The following ATP10B variants were observed in gnomAD, a reference collection of about 807,000 sequenced individuals.
ATP10B encodes the protein ATPase phospholipid transporting 10B (putative).
ATP10B carries 122 observed loss-of-function variants against 141.2 expected under a neutral mutation model. The ratio of observed to expected loss-of-function variants is 0.86; its 90% CI spans 0.75 to 1.00. ATP10B has a LOEUF of 1.00. Among genes scored for constraint, ATP10B ranks in the 50% least tolerant of loss-of-function variants. The pLI is 0.00. For synonymous variants in ATP10B, 685 were observed against 692.0 expected, an observed-to-expected ratio of 0.99 and a Z score of 0.16; for missense variants, 1,876 against 1,825.3, an observed-to-expected ratio of 1.03 and a Z score of -0.51.
chr5:160,615,760 T>C (rs1357576345), intron 17 of ATP10B, 78 bp downstream of exon 17: 4 of 1,557,378 alleles, frequency 2.6e-6, no homozygotes, highest in Non-Finnish European at 3.5e-6. Context: ...ATTAGTAGTG[T>C]CAGAATCGGG....
In ATP10B at chr5:160,785,662, G is replaced by C. The variant is rs936148135; in HGVS notation, c.-434C>G. The C allele has an allele frequency of 1.6e-6, 2 of 1,286,648 alleles. No individual in the cohort carries two copies. The highest frequency in any genetic ancestry group is 1.5e-5 in the African/African-American group (1 of 65,756). The allele number at this position is 1,286,648 out of a possible 1,614,324, so 79.7% of individuals were successfully genotyped here. Reference sequence around the variant, plus strand: ...TTGTGTCCATGTGTAAGAAATGGTAGTTTCTCATCTTGGCAGTGGAGAGGA... The same window carrying C: ...TTGTGTCCATGTGTAAGAAATGGTACTTTCTCATCTTGGCAGTGGAGAGGA... On this transcript the variant is annotated 5_prime_UTR_variant, in exon 2 of 26. Transcript: ENST00000327245.
chr5:160,617,778 G>T, intron 16 of ATP10B, 86 bp downstream of exon 16: 2 of 1,153,462 alleles, frequency 1.7e-6, no homozygotes, highest in Non-Finnish European at 2.6e-6. Flanking sequence ...CACCTCTAAG[G>T]GTCTTTTATA....
At chr5:160,891,010 T>C in the ATP10B span, among the ~76,000 whole-genome samples, 1 of 152,166 alleles carries the variant, frequency 6.6e-6, no homozygotes, top group South Asian at 2.1e-4. Flanking sequence ...TGCGTGTGTG[T>C]GTGTGTGTGT....
At chr5:160,591,681 C>A (rs142309815) in intron 22 of ATP10B, among the ~76,000 whole-genome samples, 2,374 of 152,250 alleles carry the variant, frequency 0.016, 28 homozygotes, top group Middle Eastern at 0.075. Flanking sequence ...AACAAGCCTT[C>A]TCAGGCATTA....
At chr5:160,879,555 C>A in the ATP10B span, among the ~76,000 whole-genome samples, 4 of 149,166 alleles carry the variant, frequency 2.7e-5, no homozygotes, top group Non-Finnish European at 6.0e-5. Flanking sequence ...AAAAAAAAAC[C>A]ACGGCCAGGC....
intron 16 of ATP10B, among the ~76,000 whole-genome samples, chr5:160,616,800 G>A (rs959825194): frequency 7.2e-5 from 11 of 152,196 alleles, no homozygotes; most frequent in African/African-American, 2.7e-4. Context: ...AGTCCATTAG[G>A]GGAGGCAAAA....
intron 7 of ATP10B, among the ~76,000 whole-genome samples, chr5:160,650,534 A>T (rs1004397510): frequency 6.6e-6 from 1 of 152,180 alleles, no homozygotes; most frequent in African/African-American, 2.4e-5. Flanking sequence ...GGCCTCCACA[A>T]ACAAGTTTAA....
At chr5:160,625,568 A>G (rs1436805537) in intron 13 of ATP10B, among the ~76,000 whole-genome samples, 6 of 152,196 alleles carry the variant, frequency 3.9e-5, no homozygotes, top group Non-Finnish European at 7.3e-5. Flanking sequence ...ACTGCTTGAG[A>G]TCACACACTG....
intron 3 of ATP10B, chr5:160,692,975 T>C (rs1314793933): frequency 1.3e-5 from 2 of 152,138 alleles, no homozygotes; most frequent in Non-Finnish European, 2.9e-5. Context: ...TGAGATAAAA[T>C]GACATCTTTT....
In ATP10B at chr5:160,565,474, G is replaced by A; in HGVS notation, c.4365C>T (p.Ser1455=). The change falls in exon 26 of 26, where the codon TCC becomes TCT. Residue 1455 remains serine (S), a synonymous_variant. Transcript: ENST00000327245. ...CTCCTCATATGGTCAGTGAACTCTGGGATCGGCGATGGCTGCTCCTCTTTG... is the reference window on the plus strand; with the variant it reads ...CTCCTCATATGGTCAGTGAACTCTGAGATCGGCGATGGCTGCTCCTCTTTG... The part of the protein sequence containing the change: ...RCSKRSSHRR[S]QSSLTI 1.9e-6 allele frequency: 3 copies of A among 1,614,036 alleles called. No homozygotes were observed. The highest frequency in any genetic ancestry group is 2.5e-6 in the Non-Finnish European group (3 of 1,179,946).
chr5:160,695,489 AGTGTGTGTGT>A (rs59946073), intron 3 of ATP10B, among the ~76,000 whole-genome samples: 19 of 148,900 alleles, frequency 1.3e-4, no homozygotes, highest in African/African-American at 3.0e-4. Flanking sequence ...TGCGTGAGTG[AGTGTGTGTGT>A]GTGTGTGTGT....
intron 23 of ATP10B, among the ~76,000 whole-genome samples, chr5:160,590,536 ATCCC>A (rs984160790): frequency 1.4e-4 from 19 of 137,518 alleles, no homozygotes; most frequent in Non-Finnish European, 2.8e-4. Context: ...TTGGGCTGGT[ATCCC>A]TTGCTATCTG....
At position 160,785,737 on chromosome 5, in the gene ATP10B, C is replaced by T. The variant is rs1383965808; in HGVS notation, c.-509G>A. 4 of 1,244,326 alleles carry T rather than the reference C, an allele frequency of 3.2e-6. No individual in the cohort carries two copies. Among genetic ancestry groups the T allele is most frequent in the Non-Finnish European group, 4.2e-6 (4 of 960,388 alleles). 77.1% of individuals were successfully genotyped at this position (1,244,326 alleles called of 1,614,324 possible). On this transcript the variant is annotated 5_prime_UTR_variant, in exon 2 of 26. Transcript: ENST00000327245. ...TGAATAATAGGAAAAACTACTTACTCTTCACACTGTTGCTTTCATTGAAAC... is the reference window on the plus strand; with the variant it reads ...TGAATAATAGGAAAAACTACTTACTTTTCACACTGTTGCTTTCATTGAAAC...
At chr5:160,728,098 T>C (rs1766483992) in intron 2 of ATP10B, among the ~76,000 whole-genome samples, 1 of 37,582 alleles carries the variant, frequency 2.7e-5, no homozygotes, top group African/African-American at 1.0e-4. Flanking sequence ...ATTCTTCCTT[T>C]ACTTTTTTTT....
Position 160,589,675 on chromosome 5 carries a change from C to G in ATP10B, c.3667G>C (p.Asp1223His). The change falls in exon 24 of 26, where the codon GAT becomes CAT. Residue 1223 changes from aspartate to histidine, a missense_variant. Coordinates refer to ENST00000327245, the MANE Select transcript of ATP10B (RefSeq NM_025153.3). ...PYLAYKGSDI[D>H]VFTFGTPINT... is the part of the protein sequence containing the mutation. Reference sequence around the variant, plus strand: ...ATTGGTGTCCCAAAGGTAAAGACATCTATATCAGAGCCCTTATAGGCCTGC... The same window carrying G: ...ATTGGTGTCCCAAAGGTAAAGACATGTATATCAGAGCCCTTATAGGCCTGC... The G allele has an allele frequency of 6.2e-7, 1 of 1,613,906 alleles. No individual in the cohort carries two copies. The highest frequency in any genetic ancestry group is 8.5e-7 in the Non-Finnish European group (1 of 1,179,828).
intron 2 of ATP10B, among the ~76,000 whole-genome samples, chr5:160,758,202 C>T (rs531789499): frequency 5.3e-5 from 8 of 151,904 alleles, no homozygotes; most frequent in East Asian, 3.9e-4. Context: ...TCCATCACAG[C>T]GGGTATTTAA....
intron 7 of ATP10B, among the ~76,000 whole-genome samples, chr5:160,650,211 T>C (rs1760628302): frequency 6.6e-6 from 1 of 151,616 alleles, no homozygotes; most frequent in Non-Finnish European, 1.5e-5. Flanking sequence ...CATACACACA[T>C]ATGTACATAT....
the ATP10B span, among the ~76,000 whole-genome samples, chr5:160,919,223 C>CCAAAAAAA: frequency 1.1e-4 from 3 of 26,964 alleles, no homozygotes; most frequent in Non-Finnish European, 1.9e-4. Flanking sequence ...AACTCCGTCT[C>CCAAAAAAA]AAAAAAAAAA....
At chr5:160,728,514 A>G (rs1306315234) in intron 2 of ATP10B, among the ~76,000 whole-genome samples, 1 of 152,178 alleles carries the variant, frequency 6.6e-6, no homozygotes, top group Non-Finnish European at 1.5e-5. Context: ...TAACACACCC[A>G]TGGCTCCATG....
Sources: allele counts gnomAD v4.1 joint callset (sites outside exome capture counted in the v4.1 genomes callset), GRCh38; gene constraint gnomAD v4.1.1; transcripts MANE v1.5; gene names NCBI Gene and HGNC (gene_info 2026-07-23, HGNC 2026-07-21).